Variants in WASF3 observed in about 807,000 individuals in gnomAD.
The protein encoded by WASF3 is WASP family member 3, also known as actin-binding protein WASF3.
WASF3 carries 11 observed loss-of-function variants against 46.6 expected under a neutral mutation model. The observed-to-expected ratio is 0.24, with a 90% CI of 0.15 to 0.39. The LOEUF (loss-of-function observed/expected upper bound fraction) is 0.39. WASF3 is among the 10% of genes least tolerant of loss of function. WASF3 has a pLI of 1.00. For synonymous variants in WASF3, 242 were observed against 259.7 expected, an observed-to-expected ratio of 0.93 and a Z score of 0.65; for missense variants, 576 against 669.8, an observed-to-expected ratio of 0.86 and a Z score of 1.55.
Position 26,660,194 on chromosome 13 carries a change from GTTTTTTTTTTTTTTTTTTTT to G in WASF3, c.134-4818_134-4799del, listed in dbSNP as rs71080285. On this transcript the variant is annotated intron_variant, in intron 3 of 9. Transcript: ENST00000335327. ...GTAATTAGCTTTTGTTTTTTGTTTG[GTTTTTTTTTTTTTTTTTTTT>G]TTTTTTTTTTTTTTTAGCAAAAAGA... Among the ~76,000 whole-genome samples the G allele has an allele frequency of 7.9e-3, 344 of 43,398 alleles. 5 individuals carry two copies. The highest frequency in any genetic ancestry group is 0.023 in the African/African-American group (312 of 13,470). The allele number at this position is 43,398 out of a possible 152,430, so 28.5% of individuals were successfully genotyped here. A position where few individuals can be genotyped will look rare whatever the true frequency, so the allele number is the denominator to read the frequency against.
chr13:26,613,433 C>G (rs568260620), intron 2 of WASF3, among the ~76,000 whole-genome samples: 2 of 152,170 alleles, frequency 1.3e-5, no homozygotes, highest in East Asian at 3.9e-4. Flanking sequence ...CTGAATCTTT[C>G]TAGTAATGAA....
At chr13:26,602,983 A>G (rs1880685748) in intron 1 of WASF3, among the ~76,000 whole-genome samples, 1 of 152,160 alleles carries the variant, frequency 6.6e-6, no homozygotes, top group Non-Finnish European at 1.5e-5. Flanking sequence ...CAGATTGCTG[A>G]CTGTGTAGTA....
rs1356914288 is a variant in WASF3, at chr13:26,584,603, G to A, written c.-109+26784G>A. ...GACTTGTAATTTCAGTCATTTCTTTGTAATTACGAGGTAAAAGATGATTTG... is the reference window on the plus strand; with the variant it reads ...GACTTGTAATTTCAGTCATTTCTTTATAATTACGAGGTAAAAGATGATTTG... On this transcript the variant is annotated intron_variant, in intron 1 of 9. Transcript: ENST00000335327. Among the ~76,000 whole-genome samples, 3 of 152,240 alleles carry A rather than the reference G, an allele frequency of 2.0e-5. No homozygotes were observed. The East Asian group carries it at 5.8e-4, about 29-fold the overall frequency.
intron 1 of WASF3, among the ~76,000 whole-genome samples, chr13:26,561,623 A>G (rs2137138054): frequency 6.6e-6 from 1 of 152,338 alleles, no homozygotes; most frequent in East Asian, 1.9e-4. Flanking sequence ...TTCCCAAACT[A>G]TCAGCTAAGG....
At chr13:26,644,772 G>A (rs900021973) in intron 3 of WASF3, among the ~76,000 whole-genome samples, 15 of 152,208 alleles carry the variant, frequency 9.9e-5, no homozygotes, top group African/African-American at 3.6e-4. Context: ...GGAGGGGGCT[G>A]AACCCGGGAG....
chr13:26,609,280 A>G (rs1356316576), intron 1 of WASF3: 1 of 152,208 alleles, frequency 6.6e-6, no homozygotes, highest in Non-Finnish European at 1.5e-5. Flanking sequence ...AATGCCCTAT[A>G]GTACAGAATG....
At chr13:26,585,232 A>T (rs914494379) in intron 1 of WASF3, among the ~76,000 whole-genome samples, 6 of 148,260 alleles carry the variant, frequency 4.0e-5, no homozygotes, top group African/African-American at 1.5e-4. Context: ...AATAAAAATG[A>T]TGGAAATCCA....
intron 1 of WASF3, among the ~76,000 whole-genome samples, chr13:26,576,565 A>G (rs79778491): frequency 6.6e-4 from 100 of 152,332 alleles, no homozygotes; most frequent in African/African-American, 2.3e-3. Context: ...TCACTGAGAT[A>G]TAGTTTGGAG....
At chr13:26,576,256 A>G (rs186846848) in intron 1 of WASF3, among the ~76,000 whole-genome samples, 1 of 151,792 alleles carries the variant, frequency 6.6e-6, no homozygotes, top group Non-Finnish European at 1.5e-5. Flanking sequence ...GGACATCTTA[A>G]TTCCTTCTCT....
At chr13:26,662,365 CAGTGCTGT>C (rs1401277524) in intron 3 of WASF3, among the ~76,000 whole-genome samples, 1 of 152,176 alleles carries the variant, frequency 6.6e-6, no homozygotes, top group African/African-American at 2.4e-5. Flanking sequence ...ATGTTCATCA[CAGTGCTGT>C]TTGCAGTAAG....
chr13:26,593,404 T>G (rs1001541703), intron 1 of WASF3, among the ~76,000 whole-genome samples: 1 of 152,218 alleles, frequency 6.6e-6, no homozygotes, highest in African/African-American at 2.4e-5. Flanking sequence ...CCACTCTGTT[T>G]ATAATTTCAC....
intron 1 of WASF3, among the ~76,000 whole-genome samples, chr13:26,567,597 C>T (rs193298029): frequency 3.9e-5 from 6 of 152,228 alleles, no homozygotes; most frequent in Admixed American, 3.3e-4. Context: ...CTATCTGGCT[C>T]TTTACAGTAA....
chr13:26,573,254 C>T (rs562602477), intron 1 of WASF3, among the ~76,000 whole-genome samples: 4 of 152,202 alleles, frequency 2.6e-5, no homozygotes, highest in African/African-American at 9.6e-5. Flanking sequence ...AAATTCATTT[C>T]CATAGAGGTG....
At chr13:26,680,054 A>G in intron 7 of WASF3, 1 of 1,597,336 alleles carries the variant, frequency 6.3e-7, no homozygotes, top group Non-Finnish European at 8.5e-7. Context: ...CACAAGCTGA[A>G]CCCTAACAGA....
In WASF3 at chr13:26,593,238, AT is replaced by A. The variant is rs1880357421; in HGVS notation, c.-108-19721del. ...TTTCTACCTTTAGCATTACTGAGGA[AT>A]TCATTTTGGTCCAAACCGACTTGGC... On this transcript the variant is annotated intron_variant, in intron 1 of 9. Transcript: ENST00000335327. Among the ~76,000 whole-genome samples the A allele has an allele frequency of 2.0e-5, 3 of 152,288 alleles. No homozygotes were observed. In the South Asian group the frequency reaches 6.2e-4, roughly 32 times the overall value.
chr13:26,583,912 T>C (rs1026058531), intron 1 of WASF3, among the ~76,000 whole-genome samples: 4 of 152,218 alleles, frequency 2.6e-5, no homozygotes, highest in Non-Finnish European at 5.9e-5. Context: ...CTGAAATGGC[T>C]TACCACAGAT....
chr13:26,608,693 G>T (rs896288062), intron 1 of WASF3, among the ~76,000 whole-genome samples: 2 of 152,148 alleles, frequency 1.3e-5, no homozygotes, highest in African/African-American at 4.8e-5. Flanking sequence ...TTGTAGCAAT[G>T]GGGTATCGAA....
chr13:26,681,896 C>T (rs1295091982), intron 8 of WASF3, among the ~76,000 whole-genome samples: 1 of 152,156 alleles, frequency 6.6e-6, no homozygotes, highest in Non-Finnish European at 1.5e-5. Context: ...TCTTTAAAGA[C>T]TTCATTCCTC....
the WASF3 span, among the ~76,000 whole-genome samples, chr13:26,551,851 T>C: frequency 6.6e-4 from 101 of 152,338 alleles, no homozygotes; most frequent in African/African-American, 2.4e-3. Flanking sequence ...CTGACGGTTT[T>C]TGAGCAGCAT....
Sources: gnomAD v4.1 joint callset for allele counts (sites outside exome capture counted in the v4.1 genomes callset) on GRCh38, gnomAD v4.1.1 for gene constraint, MANE v1.5 for transcripts, NCBI Gene and HGNC (gene_info 2026-07-23, HGNC 2026-07-21) for gene names.